PCDH15: variants seen among roughly 807,000 people sequenced by gnomAD.
PCDH15 encodes protocadherin-15.
PCDH15 carries 129 observed loss-of-function variants against 178.5 expected under a neutral mutation model. The ratio of observed to expected loss-of-function variants is 0.72; its 90% CI spans 0.63 to 0.84. The LOEUF is 0.84. Ranked by LOEUF, PCDH15 falls within the 40% of genes least tolerant of loss-of-function variation. The pLI, the probability that PCDH15 is intolerant of heterozygous loss-of-function variation, is 0.00. For synonymous variants in PCDH15, 800 were observed against 732.0 expected, an observed-to-expected ratio of 1.09 and a Z score of -1.50; for missense variants, 2,230 against 2,099.9, an observed-to-expected ratio of 1.06 and a Z score of -1.21.
chr10:54,731,848 T>C (rs1031600896), intron 1 of PCDH15, among the ~76,000 whole-genome samples: 2 of 150,614 alleles, frequency 1.3e-5, no homozygotes, highest in Non-Finnish European at 3.0e-5. Context: ...GGCACAAATA[T>C]ACAGTTTGAG....
intron 2 of PCDH15, among the ~76,000 whole-genome samples, chr10:55,564,807 AG>A (rs2132102964): frequency 6.6e-6 from 1 of 151,874 alleles, no homozygotes; most frequent in East Asian, 1.9e-4. Flanking sequence ...CAATATTCCA[AG>A]AAGCTATAAT....
chr10:55,306,795 T>C (rs1843436501), intron 1 of PCDH15, among the ~76,000 whole-genome samples: 1 of 152,226 alleles, frequency 6.6e-6, no homozygotes, highest in South Asian at 2.1e-4. Context: ...GGTATGAACA[T>C]GTTTGCATTC....
chr10:54,431,692 G>C (rs1956985884), intron 3 of PCDH15, among the ~76,000 whole-genome samples: 1 of 152,094 alleles, frequency 6.6e-6, no homozygotes, highest in Non-Finnish European at 1.5e-5. Flanking sequence ...CTTATATCTG[G>C]ATCATGGCAA....
chr10:54,260,387 T>A (rs1252167644), intron 8 of PCDH15, among the ~76,000 whole-genome samples: 1 of 93,270 alleles, frequency 1.1e-5, no homozygotes, highest in Non-Finnish European at 2.5e-5. Context: ...TTATTAACTA[T>A]GCTAGTTTAA....
chr10:55,328,580 G>A (rs966431891), intron 2 of PCDH15, among the ~76,000 whole-genome samples: 3 of 151,302 alleles, frequency 2.0e-5, no homozygotes, highest in Non-Finnish European at 4.4e-5. Context: ...GCACATGGCT[G>A]TATATATACT....
chr10:55,459,125 C>T (rs1047491073), intron 2 of PCDH15, among the ~76,000 whole-genome samples: 1 of 146,484 alleles, frequency 6.8e-6, no homozygotes, highest in Non-Finnish European at 1.5e-5. Context: ...ATGATACAAG[C>T]AAAAGTACAA....
chr10:53,972,491 A>C (rs1010342790), intron 21 of PCDH15, among the ~76,000 whole-genome samples: 2 of 152,132 alleles, frequency 1.3e-5, no homozygotes, highest in Admixed American at 1.3e-4. Context: ...TACCACCAGA[A>C]TGAACAGGCA....
intron 8 of PCDH15, among the ~76,000 whole-genome samples, chr10:54,275,836 A>G (rs73239243): frequency 0.05 from 7,662 of 151,772 alleles, 628 homozygotes; most frequent in African/African-American, 0.17. Flanking sequence ...AAATGAGTCC[A>G]GAAAAACACA....
chr10:54,425,835 TC>T (rs1184645695), intron 3 of PCDH15, among the ~76,000 whole-genome samples: 1 of 152,166 alleles, frequency 6.6e-6, no homozygotes, highest in Non-Finnish European at 1.5e-5. Flanking sequence ...AGGCTTTTTT[TC>T]AAAATTTTGA....
At chr10:55,271,769 T>C (rs1299163990) in intron 1 of PCDH15, among the ~76,000 whole-genome samples, 2 of 152,084 alleles carry the variant, frequency 1.3e-5, no homozygotes, top group Non-Finnish European at 2.9e-5. Context: ...AGGCTTTTTC[T>C]AAAGCTCAGA....
chr10:54,679,203 A>C (rs1263920962), intron 1 of PCDH15, among the ~76,000 whole-genome samples: 1 of 151,738 alleles, frequency 6.6e-6, no homozygotes, highest in East Asian at 1.9e-4. Flanking sequence ...AAAAAAAAAA[A>C]AAAAAAAACA....
chr10:54,417,557 T>A (rs1439465995), intron 3 of PCDH15, among the ~76,000 whole-genome samples: 1 of 152,212 alleles, frequency 6.6e-6, no homozygotes, highest in East Asian at 1.9e-4. Flanking sequence ...CAATGTTTAC[T>A]ATTTCATAGC....
rs1361588207 is a variant in PCDH15 at position 55,192,675 on chromosome 10, T to C, written c.-155-26024A>G. ...TGCTTATTTCACTAAACATTTTTCTTCATTAAAGGCAAAGGAAATAAATTC... is the reference window on the plus strand; with the variant it reads ...TGCTTATTTCACTAAACATTTTTCTCCATTAAAGGCAAAGGAAATAAATTC... On this transcript the variant is annotated intron_variant, in intron 1 of 5. Transcript: ENST00000458638. Among the ~76,000 whole-genome samples the C allele has an allele frequency of 5.9e-5, 9 of 151,598 alleles. 1 individual carries two copies. Among genetic ancestry groups the C allele is most frequent in the African/African-American group, 1.9e-4 (8 of 41,280 alleles).
At chr10:54,529,689 C>G (rs1206599954) in intron 2 of PCDH15, among the ~76,000 whole-genome samples, 1 of 152,050 alleles carries the variant, frequency 6.6e-6, no homozygotes, top group Non-Finnish European at 1.5e-5. Context: ...ATCTCTGCTT[C>G]TTTTTGTAGA....
At chr10:54,985,771 T>G (rs534255537) in intron 2 of PCDH15, among the ~76,000 whole-genome samples, 21 of 152,248 alleles carry the variant, frequency 1.4e-4, no homozygotes, top group African/African-American at 4.8e-4. Flanking sequence ...AATTGGAAAA[T>G]TGTTAAGTTG....
At chr10:55,590,166 A>T (rs1472860082) in intron 2 of PCDH15, among the ~76,000 whole-genome samples, 1 of 151,896 alleles carries the variant, frequency 6.6e-6, no homozygotes, top group Non-Finnish European at 1.5e-5. Context: ...CTTTATAGGG[A>T]CATGGATGAA....
chr10:53,976,105 T>C (rs528825239), intron 21 of PCDH15, among the ~76,000 whole-genome samples: 3 of 152,156 alleles, frequency 2.0e-5, no homozygotes, highest in Non-Finnish European at 2.9e-5. Flanking sequence ...CTGAGAACTC[T>C]ATTCTGTTCC....
chr10:53,925,895 C>T (rs947548102), intron 25 of PCDH15, among the ~76,000 whole-genome samples: 2 of 152,136 alleles, frequency 1.3e-5, no homozygotes, highest in Non-Finnish European at 2.9e-5. Context: ...GTGAGACTAG[C>T]GACGCTTGGC....
rs146277466 is a variant in PCDH15, at chr10:53,879,942, G to A, written c.3502-13085C>T. ...GCTGGTATCACAGGCTTGAGCCATC[G>A]CGGCTAGCCGTAACTTTATATTCTA... On this transcript the variant is annotated intron_variant, in intron 26 of 37. Transcript: ENST00000644397. Among the ~76,000 whole-genome samples, 828 of 152,284 alleles carry A rather than the reference G, an allele frequency of 5.4e-3. 1 individual carries two copies. The highest frequency in any genetic ancestry group is 8.3e-3 in the Non-Finnish European group (565 of 68,030).
Sources: gnomAD v4.1 joint callset for allele counts (sites outside exome capture counted in the v4.1 genomes callset) on GRCh38, gnomAD v4.1.1 for gene constraint, MANE v1.5 for transcripts, NCBI Gene and HGNC (gene_info 2026-07-23, HGNC 2026-07-21) for gene names.